RBBP6: variants seen among roughly 807,000 people sequenced by gnomAD.
The protein encoded by RBBP6 is E3 ubiquitin-protein ligase RBBP6.
Under a neutral mutation model 167.7 loss-of-function variants are expected in RBBP6, and 25 were observed. That is an observed-to-expected ratio of 0.15 (90% CI 0.11 to 0.21). The LOEUF (loss-of-function observed/expected upper bound fraction) is 0.21. RBBP6 is among the 10% of genes least tolerant of loss of function. RBBP6 has a pLI of 1.00. For missense variants in RBBP6, 1,868 were observed against 2,134.2 expected (o/e 0.88, Z 2.46); for synonymous variants, 789 against 735.8 (o/e 1.07, Z -1.17).
At chr16:24,548,356 A>G (rs1321533983) in intron 2 of RBBP6, among the ~76,000 whole-genome samples, 8 of 146,004 alleles carry the variant, frequency 5.5e-5, no homozygotes, top group East Asian at 2.0e-4. Context: ...TGGGGTCACT[A>G]TGTTACAGCC....
chr16:24,559,430 AT>A, intron 7 of RBBP6, 74 bp from the exon 8 acceptor site: 5 of 1,235,434 alleles, frequency 4.0e-6, no homozygotes, highest in Non-Finnish European at 5.6e-6. Context: ...TGTTCCCATT[AT>A]GTTATAGTAG....
At chr16:24,570,652 A>AT (rs1899304089) in intron 17 of RBBP6, among the ~76,000 whole-genome samples, 153 bp downstream of exon 17, 1 of 151,968 alleles carries the variant, frequency 6.6e-6, no homozygotes, top group African/African-American at 2.4e-5. Flanking sequence ...GAAGAAGGGA[A>AT]TTGCCAAAGA....
intron 3 of RBBP6, among the ~76,000 whole-genome samples, chr16:24,550,323 G>T (rs569485736): frequency 5.7e-5 from 8 of 140,838 alleles, no homozygotes; most frequent in Non-Finnish European, 9.4e-5. Context: ...AGTGTTTGGG[G>T]TTTTTTTTTC....
intron 1 of RBBP6, among the ~76,000 whole-genome samples, chr16:24,541,102 G>A (rs1162383210): frequency 6.7e-6 from 1 of 148,854 alleles, no homozygotes; most frequent in African/African-American, 2.5e-5. Flanking sequence ...CTCTTTGAGT[G>A]CTTGTCTTAG....
chr16:24,540,460 C>T lies in RBBP6; in HGVS notation c.-167C>T. On this transcript the variant is annotated 5_prime_UTR_variant, in exon 1 of 18. Transcript: ENST00000319715. ...ATCGGGGGGTCTCTGGATTATTGTT[C>T]TGACGAACCCCTGCTTGTGGTTGGG... is the stretch of plus-strand genomic sequence containing the variant. 1 of 576,540 alleles carries T rather than the reference C, an allele frequency of 1.7e-6. No homozygotes were observed. Among genetic ancestry groups the T allele is most frequent in the Non-Finnish European group, 2.9e-6 (1 of 342,806 alleles). 35.7% of individuals were successfully genotyped at this position (576,540 alleles called of 1,614,324 possible). A position where few individuals can be genotyped will look rare whatever the true frequency, so the allele number is the denominator to read the frequency against.
intron 8 of RBBP6, 146 bp from the exon 9 acceptor site, chr16:24,561,466 A>C (rs1056815641): frequency 1.0e-4 from 70 of 671,988 alleles, no homozygotes; most frequent in Non-Finnish European, 1.6e-4. Context: ...ATTTTACTTA[A>C]GTTTCTTAAT....
At chr16:24,547,212 A>G (rs1364799324) in intron 2 of RBBP6, among the ~76,000 whole-genome samples, 1 of 152,108 alleles carries the variant, frequency 6.6e-6, no homozygotes, top group African/African-American at 2.4e-5. Flanking sequence ...AAATAAAGTC[A>G]TTTCTTGGAG....
At chr16:24,549,566 T>C (rs1337845889) in intron 3 of RBBP6, among the ~76,000 whole-genome samples, 2 of 152,052 alleles carry the variant, frequency 1.3e-5, no homozygotes, top group African/African-American at 2.4e-5. Flanking sequence ...CCAGAGACCA[T>C]TGATGCAGCT....
At chr16:24,541,230 A>G (rs1490032768) in intron 1 of RBBP6, among the ~76,000 whole-genome samples, 2 of 150,952 alleles carry the variant, frequency 1.3e-5, no homozygotes, top group Non-Finnish European at 2.9e-5. Context: ...CTAACCTAAC[A>G]ACATTGTGGA....
chr16:24,561,411 C>T (rs1253564322), intron 8 of RBBP6, among the ~76,000 whole-genome samples: 1 of 152,126 alleles, frequency 6.6e-6, no homozygotes, highest in African/African-American at 2.4e-5. Flanking sequence ...TTTAGCGTAG[C>T]ATAGGTCATA....
rs1899319231 is a variant in RBBP6, at chr16:24,571,130, A to T, written c.4064A>T (p.Lys1355Met). 1 of 1,613,532 alleles carries T rather than the reference A, an allele frequency of 6.2e-7. No homozygotes were observed. Residue 1355 changes from lysine to methionine, a missense_variant, in exon 18 of 18, where the codon AAG becomes ATG. This residue lies in a region of RBBP6 where 591 missense variants were observed against 540.5 expected (regional missense o/e 1.09). Transcript: ENST00000319715. ...AGTGTTATAAAAAATGTTAGTACAA[A>T]GCCATCAAATATAGTCAAGTATCCT... ...PASVIKNVSTKPSNIVKYPEK... is the reference protein window; with the variant it reads ...PASVIKNVSTMPSNIVKYPEK...
intron 3 of RBBP6, among the ~76,000 whole-genome samples, chr16:24,552,648 GT>G (rs558028047): frequency 6.2e-4 from 94 of 151,824 alleles, no homozygotes; most frequent in African/African-American, 2.2e-3. Context: ...GCACAGAACA[GT>G]TTATGAAGGT....
intron 14 of RBBP6, among the ~76,000 whole-genome samples, chr16:24,565,443 C>T (rs1445753490): frequency 6.6e-6 from 1 of 152,224 alleles, no homozygotes; most frequent in African/African-American, 2.4e-5. Flanking sequence ...CATCCTTGGC[C>T]TGTTAGGAAC....
Position 24,560,415 on chromosome 16 carries a change from A to G in RBBP6, c.847+738A>G, listed in dbSNP as rs746066117. Among the ~76,000 whole-genome samples the G allele has an allele frequency of 3.9e-5, 6 of 152,286 alleles. No individual in the cohort carries two copies. The South Asian group carries it at 8.3e-4, about 21-fold the overall frequency. Reference sequence around the variant, plus strand: ...GCCACCGCGCCCGACATCTGTAGACATATTTATTACCCAGCATTTACCATG... The same window carrying G: ...GCCACCGCGCCCGACATCTGTAGACGTATTTATTACCCAGCATTTACCATG... On this transcript the variant is annotated intron_variant, in intron 8 of 17. Coordinates refer to ENST00000319715, the MANE Select transcript of RBBP6 (RefSeq NM_006910.5).
chr16:24,562,668 A>G (rs1043697766), intron 10 of RBBP6, among the ~76,000 whole-genome samples: 1 of 150,860 alleles, frequency 6.6e-6, no homozygotes, highest in South Asian at 2.1e-4. Context: ...ATGTAGTTTA[A>G]TGTCTCATAA....
chr16:24,572,525 T>C lies in RBBP6; in HGVS notation c.*80T>C. The C allele has an allele frequency of 7.0e-7, 1 of 1,438,586 alleles. No individual in the cohort carries two copies. Among genetic ancestry groups the C allele is most frequent in the South Asian group, 1.5e-5 (1 of 65,774 alleles). The allele number at this position is 1,438,586 out of a possible 1,614,324, so 89.1% of individuals were successfully genotyped here. ...TTATAATGTAAAGAGATTCAAGCCT[T>C]GTAAATAATGACATGGAAGACCCTG... On this transcript the variant is annotated 3_prime_UTR_variant, in exon 18 of 18. Coordinates refer to ENST00000319715, the MANE Select transcript of RBBP6 (RefSeq NM_006910.5).
At chr16:24,562,473 A>C (rs1296062521) in intron 10 of RBBP6, among the ~76,000 whole-genome samples, 1 of 152,180 alleles carries the variant, frequency 6.6e-6, no homozygotes, top group Non-Finnish European at 1.5e-5. Flanking sequence ...TTGTGATCAT[A>C]ATGATAGTTT....
intron 12 of RBBP6, 51 bp downstream of exon 12, chr16:24,563,552 T>C (rs1253897320): frequency 1.2e-6 from 2 of 1,611,178 alleles, no homozygotes; most frequent in East Asian, 2.2e-5. Context: ...AAAATAATTT[T>C]AGCTTGATTT....
chr16:24,571,452 C>T lies in RBBP6; in HGVS notation c.4386C>T (p.Ser1462=). The T allele has an allele frequency of 6.2e-7, 1 of 1,612,882 alleles. No homozygotes were observed. Among genetic ancestry groups the T allele is most frequent in the Non-Finnish European group, 8.5e-7 (1 of 1,179,736 alleles). The change falls in exon 18 of 18, where the codon TCC becomes TCT. Residue 1462 remains serine (S), a synonymous_variant. Coordinates refer to ENST00000319715, the MANE Select transcript of RBBP6 (RefSeq NM_006910.5). The stretch of plus-strand genomic sequence containing the variant: ...ATAAACATGATTCCACTCGTGCTTC[C>T]TCAAATAAAGACTTCACTCCCAATA... ...TSDKHDSTRA[S]SNKDFTPNRD... is the part of the protein sequence containing the mutation.
Sources: gnomAD v4.1 joint callset for allele counts (sites outside exome capture counted in the v4.1 genomes callset) on GRCh38, gnomAD v4.1.1 for gene constraint, gnomAD v4.1.1 regional missense constraint, MANE v1.5 for transcripts, NCBI Gene and HGNC (gene_info 2026-07-23, HGNC 2026-07-21) for gene names.